Variants in TRPM2 observed in about 807,000 individuals in gnomAD.
TRPM2 encodes the protein transient receptor potential cation channel subfamily M member 2.
TRPM2 carries 161 observed loss-of-function variants against 174.0 expected under a neutral mutation model. That is an observed-to-expected ratio of 0.93 (90% CI 0.81 to 1.05). TRPM2 has a LOEUF of 1.05. Among genes scored for constraint, TRPM2 ranks in the 50% least tolerant of loss-of-function variants. TRPM2 has a pLI of 0.00. For synonymous variants in TRPM2, 954 were observed against 861.3 expected (o/e 1.11, Z -1.88); for missense variants, 2,057 against 2,038.0 (o/e 1.01, Z -0.18).
chr21:44,352,760 A>G (rs1300195532), upstream of TRPM2, among the ~76,000 whole-genome samples: 2 of 152,192 alleles, frequency 1.3e-5, no homozygotes, highest in East Asian at 3.8e-4. Context: ...GGCCTCGGTG[A>G]TGAAGGCCAC....
chr21:44,391,491 C>G lies in TRPM2; in HGVS notation c.1660C>G (p.Pro554Ala). The G allele has an allele frequency of 1.2e-6, 2 of 1,609,052 alleles. No homozygotes were observed. Reference protein sequence around the residue: ...PERPACAPAAPRLQMHHVAQV... With the variant: ...PERPACAPAAARLQMHHVAQV... ...GCGCCCGGCTTGCGCGCCCGCGGCG[C>G]CCCGCCTGCAGATGCACCACGTGGC... The change falls in exon 11 of 32, where the codon CCC becomes GCC. Residue 554 changes from proline (P) to alanine (A), a missense_variant. Physicochemically the swap from Pro to Ala is conservative, Grantham distance 27 (BLOSUM62 -1). Transcript: ENST00000397928. This position sits in a 1 kb window ranked among gnomAD's most constrained non-coding sequence, Gnocchi z 5.0.
rs1171720550 is a variant in TRPM2, at chr21:44,387,197, A to C, written c.1319-3707A>C. Among the ~76,000 whole-genome samples the C allele has an allele frequency of 5.9e-5, 9 of 152,310 alleles. No individual in the cohort carries two copies. In the South Asian group the frequency reaches 1.7e-3, roughly 28 times the overall value. Reference sequence around the variant, plus strand: ...CAAGACCCTGTCTCAAAAAAATCCCAAAAAGATATGGAGACCAATGGAATA... The same window carrying C: ...CAAGACCCTGTCTCAAAAAAATCCCCAAAAGATATGGAGACCAATGGAATA... On this transcript the variant is annotated intron_variant, in intron 9 of 31. Coordinates refer to ENST00000397928, the MANE Select transcript of TRPM2 (RefSeq NM_003307.4).
chr21:44,413,925 T>C lies in TRPM2; in HGVS notation c.2997T>C (p.Asn999=), dbSNP rs748751569. ...VNFNPEHCSP[N]GTDPYKPKCP... ...TCAACCCGGAGCACTGCAGCCCCAA[T>C]GGCACCGACCCCTACAAGCCTAAGT... Residue 999 remains asparagine (N), a synonymous_variant, in exon 20 of 32, where the codon AAT becomes AAC. Transcript: ENST00000397928. 18 of 1,613,690 alleles carry C rather than the reference T, an allele frequency of 1.1e-5. No homozygotes were observed. In the Admixed American group the frequency reaches 1.8e-4, roughly 16 times the overall value.
Position 44,439,031 on chromosome 21 carries a change from G to T in TRPM2, c.4168-36G>T. 1.3e-6 allele frequency: 2 copies of T among 1,579,990 alleles called. No homozygotes were observed. The highest frequency in any genetic ancestry group is 1.7e-4 in the Middle Eastern group (1 of 5,716). On this transcript the variant is annotated intron_variant, in intron 29 of 31. Coordinates refer to ENST00000397928, the MANE Select transcript of TRPM2 (RefSeq NM_003307.4). The surrounding 1 kb of genome is among the most constrained non-coding windows in gnomAD (Gnocchi z 5.1). ...GGGCAGCCTGAGGTCCCGCTTCGGT[G>T]CCCTGTTGACCTGCCTCCGTCCTCT...
chr21:44,373,406 C>T (rs534540329), intron 5 of TRPM2, among the ~76,000 whole-genome samples: 33 of 152,218 alleles, frequency 2.2e-4, no homozygotes, highest in Non-Finnish European at 3.4e-4. Flanking sequence ...AGGCTGGTCT[C>T]GAACTCCTGA....
intron 22 of TRPM2, 97 bp downstream of exon 22, chr21:44,418,652 C>A (rs1266814048): frequency 1.3e-5 from 19 of 1,457,770 alleles, no homozygotes; most frequent in Non-Finnish European, 1.8e-5. Context: ...TGGGGAGGCC[C>A]AGCAATGCCT....
At chr21:44,394,186 A>G (rs2049267202) in intron 11 of TRPM2, among the ~76,000 whole-genome samples, 2 of 151,704 alleles carry the variant, frequency 1.3e-5, no homozygotes, top group Non-Finnish European at 2.9e-5. Context: ...GCTTGGTTTT[A>G]TACATTCACG....
At chr21:44,400,444 T>A in intron 15 of TRPM2, 73 bp downstream of exon 15, 1 of 1,332,286 alleles carries the variant, frequency 7.5e-7, no homozygotes, top group Non-Finnish European at 1.0e-6. Context: ...GGGCTCAGGA[T>A]CTTCCCTAGA....
intron 9 of TRPM2, among the ~76,000 whole-genome samples, chr21:44,386,082 A>G (rs2049007428): frequency 6.6e-6 from 1 of 152,206 alleles, no homozygotes; most frequent in Non-Finnish European, 1.5e-5. Context: ...CACAAAATCA[A>G]TACACAAAAA....
At chr21:44,407,476 T>TTTTTTA (rs1555897773) in intron 19 of TRPM2, among the ~76,000 whole-genome samples, 1 of 93,180 alleles carries the variant, frequency 1.1e-5, no homozygotes, top group African/African-American at 3.7e-5. Context: ...TTTTTTTTTT[T>TTTTTTA]AACAGCTTCA....
intron 9 of TRPM2, among the ~76,000 whole-genome samples, chr21:44,388,284 T>G (rs749481466): frequency 1.2e-4 from 18 of 152,180 alleles, no homozygotes; most frequent in Admixed American, 2.0e-4. Context: ...GACATTATGT[T>G]AAGTGAAATA....
At position 44,435,115 on chromosome 21, in the gene TRPM2, C is replaced by A. The variant is rs1569117974; in HGVS notation, c.3975-16C>A. The A allele has an allele frequency of 1.9e-6, 3 of 1,610,008 alleles. No individual in the cohort carries two copies. Among genetic ancestry groups the A allele is most frequent in the South Asian group, 1.1e-5 (1 of 90,900 alleles). On this transcript the variant is annotated splice_polypyrimidine_tract_variant and intron_variant, in intron 27 of 31. Transcript: ENST00000397928. ...ATTGGTGGACGGTGGACTGACTCAACCCCTCTGCATCCCAGGAACCCCATG... is the reference window on the plus strand; with the variant it reads ...ATTGGTGGACGGTGGACTGACTCAAACCCTCTGCATCCCAGGAACCCCATG...
intron 11 of TRPM2, among the ~76,000 whole-genome samples, chr21:44,395,005 C>G (rs2049296973): frequency 6.6e-6 from 1 of 152,146 alleles, no homozygotes; most frequent in Non-Finnish European, 1.5e-5. Context: ...TCCTAGTGGC[C>G]TCTCTGCCAG....
At chr21:44,425,227 T>A in intron 24 of TRPM2, 1 of 435,408 alleles carries the variant, frequency 2.3e-6, no homozygotes, top group Non-Finnish European at 4.1e-6. Context: ...AGAGTGGGGG[T>A]GCGAGGCGGG....
At chr21:44,388,626 G>A (rs1189337907) in intron 9 of TRPM2, among the ~76,000 whole-genome samples, 1 of 136,364 alleles carries the variant, frequency 7.3e-6, no homozygotes, top group Non-Finnish European at 1.5e-5. Context: ...CCCAGCCTAG[G>A]CAACATGGAG....
chr21:44,417,401 C>A (rs1601206305), intron 20 of TRPM2, among the ~76,000 whole-genome samples: 2 of 102,448 alleles, frequency 2.0e-5, no homozygotes, highest in South Asian at 4.4e-4. Context: ...TGGCTCTGCT[C>A]TCTGTGGCAT....
intron 20 of TRPM2, chr21:44,415,996 G>A (rs1418906234): frequency 2.0e-5 from 3 of 152,052 alleles, no homozygotes; most frequent in African/African-American, 7.2e-5. Context: ...CAGGTGTTTG[G>A]GGTCCTAGTG....
chr21:44,375,932 A>G lies in TRPM2; in HGVS notation c.871A>G (p.Thr291Ala), dbSNP rs766066665. ...TCACTTCATCCTCGTGGACGACGGG[A>G]CCCACGGCCAGTACGGGGTGGAGAT... ...HSHFILVDDG[T>A]HGQYGVEIPL... Residue 291 changes from threonine (T) to alanine (A), a missense_variant, in exon 6 of 32, where the codon ACC becomes GCC. Coordinates refer to ENST00000397928, the MANE Select transcript of TRPM2 (RefSeq NM_003307.4). 4 of 1,614,100 alleles carry G rather than the reference A, an allele frequency of 2.5e-6. No individual in the cohort carries two copies. The highest frequency in any genetic ancestry group is 3.4e-6 in the Non-Finnish European group (4 of 1,180,012).
At chr21:44,370,091 CA>C (rs1358783309) in intron 5 of TRPM2, among the ~76,000 whole-genome samples, 3 of 152,110 alleles carry the variant, frequency 2.0e-5, no homozygotes, top group Admixed American at 2.0e-4. Flanking sequence ...TGACCCCGGA[CA>C]AACGGCTAAC....
Sources: allele counts gnomAD v4.1 joint callset (sites outside exome capture counted in the v4.1 genomes callset), GRCh38; gene constraint gnomAD v4.1.1; non-coding constraint Gnocchi (gnomAD v3.1); transcripts MANE v1.5; gene names NCBI Gene and HGNC (gene_info 2026-07-23, HGNC 2026-07-21).